The following ENOX2 variants were observed in gnomAD, a reference collection of about 807,000 sequenced individuals.
The protein encoded by ENOX2 is APK1 antigen.
ENOX2 carries 36 observed loss-of-function variants against 45.0 expected under a neutral mutation model. The ratio of observed to expected loss-of-function variants is 0.80; its 90% CI spans 0.61 to 1.06. The LOEUF (loss-of-function observed/expected upper bound fraction) is 1.06. Among genes scored for constraint, ENOX2 ranks in the 50% least tolerant of loss-of-function variants. ENOX2 has a pLI of 0.00. For synonymous variants in ENOX2, 174 were observed against 152.3 expected, an observed-to-expected ratio of 1.14 and a Z score of -1.05; for missense variants, 423 against 462.5, an observed-to-expected ratio of 0.91 and a Z score of 0.78.
rs1315052157 is a variant in ENOX2, at chrX:130,784,501, A to G, written c.-182-811T>C. ...AAAAGCTTTTTTAAAGCCCAAAGTT[A>G]AGACATCTCCTGTAAGCCTTTTCTC... On this transcript the variant is annotated intron_variant, in intron 2 of 14. Transcript: ENST00000394363. Among the ~76,000 whole-genome samples the G allele has an allele frequency of 4.5e-5, 5 of 110,919 alleles. No homozygotes were observed. The Admixed American group carries it at 4.8e-4, about 11-fold the overall frequency.
chrX:130,858,574 A>G (rs1438999804), intron 2 of ENOX2, among the ~76,000 whole-genome samples: 1 of 111,842 alleles, frequency 8.9e-6, no homozygotes, highest in East Asian at 2.8e-4. Flanking sequence ...ACAAGCAAAC[A>G]TGAGTCTTCC....
At chrX:130,744,807 C>T (rs1374650381) in intron 3 of ENOX2, among the ~76,000 whole-genome samples, 2 of 110,990 alleles carry the variant, frequency 1.8e-5, no homozygotes, top group African/African-American at 3.3e-5. Flanking sequence ...GGTACCGGTC[C>T]GTGGCCTGTT....
chrX:130,719,090 G>A (rs2038404313), intron 3 of ENOX2, among the ~76,000 whole-genome samples: 1 of 111,867 alleles, frequency 8.9e-6, no homozygotes, highest in African/African-American at 3.3e-5. Flanking sequence ...TTTCCATTCT[G>A]TTTTTTAAAG....
chrX:130,752,169 T>C (rs375421039), intron 3 of ENOX2, among the ~76,000 whole-genome samples: 2 of 110,439 alleles, frequency 1.8e-5, no homozygotes, highest in South Asian at 3.9e-4. Flanking sequence ...TTAACCTTTC[T>C]TTTTTAGTCT....
At chrX:130,638,288 G>A (rs1045142088) in intron 10 of ENOX2, among the ~76,000 whole-genome samples, 7 of 109,671 alleles carry the variant, frequency 6.4e-5, no homozygotes, top group Non-Finnish European at 1.3e-4. Context: ...GGCTGGTCTC[G>A]AACTCCTGAC....
chrX:130,881,617 T>C (rs949528031), intron 2 of ENOX2, among the ~76,000 whole-genome samples: 4 of 112,079 alleles, frequency 3.6e-5, no homozygotes, highest in Non-Finnish European at 5.6e-5. Context: ...ACTTTACATA[T>C]ACCGATTTCT....
At chrX:130,857,688 T>C (rs1232797119) in intron 2 of ENOX2, among the ~76,000 whole-genome samples, 2 of 111,313 alleles carry the variant, frequency 1.8e-5, no homozygotes, top group African/African-American at 6.5e-5. Flanking sequence ...TTGGAGGTAA[T>C]GGACAGACTT....
intron 2 of ENOX2, among the ~76,000 whole-genome samples, chrX:130,809,948 C>T (rs1007429681): frequency 2.6e-4 from 29 of 111,502 alleles, no homozygotes; most frequent in African/African-American, 7.8e-4. Context: ...TGAACAACTA[C>T]CTACACACAA....
At chrX:130,767,425 C>T (rs751477714) in intron 3 of ENOX2, among the ~76,000 whole-genome samples, 26 of 111,153 alleles carry the variant, frequency 2.3e-4, no homozygotes, top group South Asian at 7.7e-4. Flanking sequence ...GGAATATGGA[C>T]AATCTCACGG....
intron 2 of ENOX2, among the ~76,000 whole-genome samples, chrX:130,794,604 C>G (rs1383093523): frequency 1.8e-5 from 2 of 112,657 alleles, no homozygotes; most frequent in Non-Finnish European, 3.7e-5. Flanking sequence ...ATTTCACATG[C>G]TGTGAGTGAA....
At chrX:130,735,485 C>T (rs777710683) in intron 3 of ENOX2, among the ~76,000 whole-genome samples, 5 of 111,849 alleles carry the variant, frequency 4.5e-5, no homozygotes, top group Admixed American at 9.5e-5. Flanking sequence ...ACCTCCTGGT[C>T]CCTCTGGTTC....
chrX:130,649,302 C>T (rs2036337005), intron 10 of ENOX2, among the ~76,000 whole-genome samples: 1 of 105,390 alleles, frequency 9.5e-6, no homozygotes, highest in Non-Finnish European at 1.9e-5. Flanking sequence ...ATAAAATGGA[C>T]TAAGACAAGT....
At chrX:130,741,927 C>T (rs2038991784) in intron 3 of ENOX2, among the ~76,000 whole-genome samples, 1 of 112,188 alleles carries the variant, frequency 8.9e-6, no homozygotes, top group South Asian at 3.7e-4. Flanking sequence ...GAAACCTATG[C>T]CAAATCAAGT....
intron 11 of ENOX2, 90 bp downstream of exon 11, chrX:130,637,139 T>G: frequency 1.4e-6 from 1 of 702,237 alleles, no homozygotes; most frequent in Non-Finnish European, 2.3e-6. Flanking sequence ...ATAATAGGTT[T>G]GATATTCAAT....
rs2079021684 is a variant in ENOX2, at chrX:130,894,043, G to A, written c.-183+7641C>T. On this transcript the variant is annotated intron_variant, in intron 2 of 14. Coordinates refer to ENST00000394363, the MANE Select transcript of ENOX2 (RefSeq NM_006375.4). ...TTGGAAAGAATGAATATTCATCTGA[G>A]TAACATGTGAAGGAGTGCAGGAAGT... Among the ~76,000 whole-genome samples, 3 of 112,240 alleles carry A rather than the reference G, an allele frequency of 2.7e-5. No homozygotes were observed. The South Asian group carries it at 1.1e-3, about 41-fold the overall frequency.
At position 130,679,757 on chromosome X, in the gene ENOX2, T is replaced by C; in HGVS notation, c.254-9A>G. 2 of 1,168,927 alleles carry C rather than the reference T, an allele frequency of 1.7e-6. No homozygotes were observed. The highest frequency in any genetic ancestry group is 2.3e-6 in the Non-Finnish European group (2 of 856,351). On this transcript the variant is annotated splice_polypyrimidine_tract_variant and intron_variant, in intron 5 of 14. Coordinates refer to ENST00000394363, the MANE Select transcript of ENOX2 (RefSeq NM_006375.4). ...TGCAGGAGGTGGGAGATCTAAGTTGTAAGGGCAAAAACATTTGAAATTAAA... is the reference window on the plus strand; with the variant it reads ...TGCAGGAGGTGGGAGATCTAAGTTGCAAGGGCAAAAACATTTGAAATTAAA...
At chrX:130,804,115 A>G (rs1308298511) in intron 2 of ENOX2, among the ~76,000 whole-genome samples, 1 of 111,693 alleles carries the variant, frequency 9.0e-6, no homozygotes, top group Non-Finnish European at 1.9e-5. Context: ...AAAAGAATTA[A>G]TGAGCAGTAA....
intron 3 of ENOX2, among the ~76,000 whole-genome samples, chrX:130,729,352 C>A (rs959541345): frequency 8.0e-5 from 9 of 112,045 alleles, no homozygotes; most frequent in African/African-American, 2.9e-4. Flanking sequence ...AGGATGTTTT[C>A]CAAATATCAC....
At chrX:130,830,498 C>A (rs966544259) in intron 2 of ENOX2, among the ~76,000 whole-genome samples, 1 of 111,644 alleles carries the variant, frequency 9.0e-6, no homozygotes, top group African/African-American at 3.3e-5. Context: ...ACCAAATCTG[C>A]AAACCTGTCT....
Sources: allele counts gnomAD v4.1 joint callset (sites outside exome capture counted in the v4.1 genomes callset), GRCh38; gene constraint gnomAD v4.1.1; transcripts MANE v1.5; gene names NCBI Gene and HGNC (gene_info 2026-07-23, HGNC 2026-07-21).